The following ATP7A variants were observed in gnomAD, a reference collection of about 807,000 sequenced individuals.
The protein encoded by ATP7A is copper-transporting ATPase 1.
In ATP7A, 7 loss-of-function variants were observed where a neutral mutation model predicts 83.5. That is an observed-to-expected ratio of 0.08 (90% CI 0.05 to 0.16). ATP7A has a LOEUF of 0.16. Among genes scored for constraint, ATP7A ranks in the 10% least tolerant of loss-of-function variants. ATP7A has a pLI of 1.00. For missense variants in ATP7A, 940 were observed against 1,120.8 expected (o/e 0.84, Z 2.30); for synonymous variants, 354 against 395.2 (o/e 0.90, Z 1.24).
At position 78,014,770 on chromosome X, in the gene ATP7A, T is replaced by C. The variant is rs1243275015; in HGVS notation, c.2498+17T>C. On this transcript the variant is annotated intron_variant, in intron 11 of 22. Transcript: ENST00000341514. ...CCTCCTCAGGTATTTATCTTCACTC[T>C]TCCCTCTTCTCTTTTTTTAACTTCT... The C allele has an allele frequency of 8.9e-7, 1 of 1,122,955 alleles. No homozygotes were observed. Among genetic ancestry groups the C allele is most frequent in the Non-Finnish European group, 1.2e-6 (1 of 819,062 alleles). 92.5% of individuals were successfully genotyped at this position (1,122,955 alleles called of 1,213,427 possible). A position where few individuals can be genotyped will look rare whatever the true frequency, so the allele number is the denominator to read the frequency against.
chrX:77,952,209 A>G (rs1433493647), intron 1 of ATP7A, among the ~76,000 whole-genome samples: 4 of 112,208 alleles, frequency 3.6e-5, no homozygotes, highest in Non-Finnish European at 5.6e-5. Context: ...TTGTGGGCAA[A>G]TACCAAGGAG....
At chrX:77,966,650 T>C (rs1557228778) in intron 1 of ATP7A, among the ~76,000 whole-genome samples, 1 of 111,019 alleles carries the variant, frequency 9.0e-6, no homozygotes, top group Non-Finnish European at 1.9e-5. Flanking sequence ...AAATGGGGAG[T>C]GTTGCTAATG....
In ATP7A at chrX:77,989,900, C is replaced by T; in HGVS notation, c.1278C>T (p.Thr426=). The T allele has an allele frequency of 8.3e-7, 1 of 1,210,612 alleles. No individual in the cohort carries two copies. The highest frequency in any genetic ancestry group is 1.1e-6 in the Non-Finnish European group (1 of 894,693). Residue 426 remains threonine, a synonymous_variant, in exon 4 of 23, where the codon ACC becomes ACT. Coordinates refer to ENST00000341514, the MANE Select transcript of ATP7A (RefSeq NM_000052.7). ...NGTVEYDPLL[T]SPETLRGAIE... ...CTGTTGAGTATGATCCTCTACTAAC[C>T]TCTCCAGAAACGTTGAGAGGAGCAA...
rs2077859760 is a variant in ATP7A at position 78,015,892 on chromosome X, T to G, written c.2626+11T>G. 3.3e-6 allele frequency: 4 copies of G among 1,210,579 alleles called. No homozygotes were observed. The highest frequency in any genetic ancestry group is 4.5e-6 in the Non-Finnish European group (4 of 894,918). On this transcript the variant is annotated intron_variant, in intron 12 of 22. Coordinates refer to ENST00000341514, the MANE Select transcript of ATP7A (RefSeq NM_000052.7). ...AGTCCCTCATCACAGGTATGTTCTT[T>G]CAAAGGATCATGACCAAAATGTTAA...
rs143214563 is a variant in ATP7A at position 78,011,457 on chromosome X, G to A, written c.1955G>A (p.Arg652Gln). ...TATTTTTTCCATATAAGATGGAGAC[G>A]GTCTTTTCTTGTGAGTCTGTTTTTC... is the stretch of plus-strand genomic sequence containing the variant. The part of the protein sequence containing the change: ...DHKREIRQWR[R>Q]SFLVSLFFCI... Residue 652 changes from arginine to glutamine, a missense_variant, in exon 9 of 23, where the codon CGG becomes CAG. By Grantham distance (43) the Arg-to-Gln change is conservative. Coordinates refer to ENST00000341514, the MANE Select transcript of ATP7A (RefSeq NM_000052.7). 2.1e-4 allele frequency: 257 copies of A among 1,206,180 alleles called. 1 individual carries two copies. The African/African-American group carries it at 3.0e-3, about 14-fold the overall frequency.
chrX:77,912,644 A>G (rs1201733467), intron 1 of ATP7A, among the ~76,000 whole-genome samples: 2 of 112,352 alleles, frequency 1.8e-5, no homozygotes, highest in African/African-American at 6.5e-5. Context: ...CTAAAAGAGA[A>G]AAAATGTAAA....
chrX:77,933,767 C>T (rs1237702407), intron 1 of ATP7A, among the ~76,000 whole-genome samples: 2 of 112,341 alleles, frequency 1.8e-5, no homozygotes, highest in South Asian at 3.7e-4. Context: ...AATCTGTGAT[C>T]GACCTAACCA....
intron 14 of ATP7A, among the ~76,000 whole-genome samples, chrX:78,023,223 A>G (rs1488053043): frequency 8.9e-6 from 1 of 112,200 alleles, no homozygotes; most frequent in East Asian, 2.8e-4. Context: ...TGTCTTTGCT[A>G]TTGTGAAGAG....
intron 1 of ATP7A, among the ~76,000 whole-genome samples, chrX:77,926,989 C>T (rs1191266774): frequency 8.9e-6 from 1 of 111,887 alleles, no homozygotes; most frequent in African/African-American, 3.3e-5. Flanking sequence ...AGGCATGAGC[C>T]ACTGCGCCTG....
chrX:77,918,242 A>AT (rs1168435597), intron 1 of ATP7A, among the ~76,000 whole-genome samples: 5 of 105,517 alleles, frequency 4.7e-5, no homozygotes, highest in Admixed American at 1.0e-4. Flanking sequence ...AATTTTTAAA[A>AT]TTTTTTTTTT....
At chrX:78,024,143 A>T (rs185623878) in intron 14 of ATP7A, among the ~76,000 whole-genome samples, 6 of 111,465 alleles carry the variant, frequency 5.4e-5, no homozygotes, top group African/African-American at 2.0e-4. Context: ...TATTTTGTTC[A>T]GTTGATCTAC....
intron 14 of ATP7A, among the ~76,000 whole-genome samples, chrX:78,024,354 T>C (rs1403324094): frequency 8.9e-6 from 1 of 111,854 alleles, no homozygotes; most frequent in African/African-American, 3.3e-5. Context: ...ATAGGAATTG[T>C]GTTGAATCTA....
intron 12 of ATP7A, among the ~76,000 whole-genome samples, chrX:78,017,376 G>C (rs955121137): frequency 4.4e-5 from 5 of 112,454 alleles, no homozygotes; most frequent in African/African-American, 1.6e-4. Flanking sequence ...GATGGGAGGG[G>C]CTGCTGCCAA....
Position 78,043,384 on chromosome X carries a change from A to G in ATP7A, c.4073A>G (p.Asn1358Ser), listed in dbSNP as rs1423719687. The change falls in exon 21 of 23, where the codon AAT becomes AGT. Residue 1358 changes from asparagine (N) to serine (S), a missense_variant. Asn to Ser is a conservative substitution (Grantham distance 46). This residue lies in a region of ATP7A where 386 missense variants were observed against 502.2 expected (regional missense o/e 0.77). Coordinates refer to ENST00000341514, the MANE Select transcript of ATP7A (RefSeq NM_000052.7). ...SRKTVKRIRI[N>S]FVFALIYNLV... ...AAGACAGTCAAGAGGATTCGGATAA[A>G]TTTTGTCTTTGCTCTAATTTATAAT... 2.2e-5 allele frequency: 26 copies of G among 1,208,294 alleles called. No individual in the cohort carries two copies. Among genetic ancestry groups the G allele is most frequent in the East Asian group, 3.0e-5 (1 of 33,664 alleles).
At chrX:77,931,429 G>C (rs782655802) in intron 1 of ATP7A, among the ~76,000 whole-genome samples, 1 of 111,884 alleles carries the variant, frequency 8.9e-6, no homozygotes, top group African/African-American at 3.2e-5. Flanking sequence ...ACACAGACAC[G>C]GCAACCATCC....
In ATP7A at chrX:77,970,820, C is replaced by T. The variant is rs150784272; in HGVS notation, c.-21-801C>T. On this transcript the variant is annotated intron_variant, in intron 1 of 22. Transcript: ENST00000341514. Reference sequence around the variant, plus strand: ...AATTTGTGGGCGTATTTTAAAACCACCACAGGAAGGCAGACAATAAGCAAT... The same window carrying T: ...AATTTGTGGGCGTATTTTAAAACCATCACAGGAAGGCAGACAATAAGCAAT... Among the ~76,000 whole-genome samples the T allele has an allele frequency of 1.6e-4, 18 of 112,121 alleles. No homozygotes were observed. In the East Asian group the frequency reaches 5.0e-3, roughly 31 times the overall value.
rs1557231558 is a variant in ATP7A, at chrX:77,988,242, G to T, written c.121G>T (p.Val41Leu). Residue 41 changes from valine (V) to leucine (L), a missense_variant and splice_region_variant, in exon 3 of 23, where the codon GTA becomes TTA. By Grantham distance (32) the Val-to-Leu change is conservative (BLOSUM62 1). Around this residue, in one of 3 missense-constraint regions of ATP7A, gnomAD observed 350 missense variants for 432.8 expected, o/e 0.81. Transcript: ENST00000341514. Reference sequence around the variant, plus strand: ...GACTTTTGGAATTTCCTTCCAAAAGGTATCACTGGAAGAAAAAAATGCAAC... The same window carrying T: ...GACTTTTGGAATTTCCTTCCAAAAGTTATCACTGGAAGAAAAAAATGCAAC... ...GKVNGVHHIKVSLEEKNATII... is the reference protein window; with the variant it reads ...GKVNGVHHIKLSLEEKNATII... 8.3e-7 allele frequency: 1 copy of T among 1,200,290 alleles called. No individual in the cohort carries two copies.
intron 19 of ATP7A, among the ~76,000 whole-genome samples, chrX:78,041,345 G>A (rs1237293822): frequency 1.8e-5 from 2 of 109,013 alleles, no homozygotes; most frequent in Non-Finnish European, 3.8e-5. Flanking sequence ...GCGCGATCTC[G>A]GCTCATCGCA....
intron 17 of ATP7A, among the ~76,000 whole-genome samples, chrX:78,034,148 A>G (rs781825123): frequency 4.5e-5 from 5 of 111,663 alleles, no homozygotes; most frequent in Admixed American, 3.8e-4. Flanking sequence ...CTTATTTTTT[A>G]TATAGAAAAT....
Sources: gnomAD v4.1 joint callset for allele counts (sites outside exome capture counted in the v4.1 genomes callset) on GRCh38, gnomAD v4.1.1 for gene constraint, gnomAD v4.1.1 regional missense constraint, MANE v1.5 for transcripts, NCBI Gene and HGNC (gene_info 2026-07-23, HGNC 2026-07-21) for gene names.